Variants in CLEC4M observed in about 807,000 individuals in gnomAD.
The protein encoded by CLEC4M is C-type lectin domain family 4 member M.
Under a neutral mutation model 39.1 loss-of-function variants are expected in CLEC4M, and 25 were observed. The ratio of observed to expected loss-of-function variants is 0.64; its 90% CI spans 0.47 to 0.89. The LOEUF (loss-of-function observed/expected upper bound fraction) is 0.89. CLEC4M is among the 40% of genes least tolerant of loss of function. The pLI, the probability that CLEC4M is intolerant of heterozygous loss-of-function variation, is 0.00. For missense variants in CLEC4M, 353 were observed against 431.4 expected, an observed-to-expected ratio of 0.82 and a Z score of 1.61; for synonymous variants, 155 against 177.4, an observed-to-expected ratio of 0.87 and a Z score of 1.00.
chr19:7,763,327 G>T lies in CLEC4M; in HGVS notation c.46+15G>T. 1 of 1,611,728 alleles carries T rather than the reference G, an allele frequency of 6.2e-7. No individual in the cohort carries two copies. Reference sequence around the variant, plus strand: ...GGGCCTCCTGGGTAAGGCTGGGTTGGAACTCTGGGATCCTGGGTAAGGGGA... The same window carrying T: ...GGGCCTCCTGGGTAAGGCTGGGTTGTAACTCTGGGATCCTGGGTAAGGGGA... On this transcript the variant is annotated intron_variant, in intron 1 of 6. Transcript: ENST00000327325.
intron 6 of CLEC4M, chr19:7,768,163 GCGGC>G (rs2034361381): frequency 6.4e-6 from 1 of 157,466 alleles, no homozygotes; most frequent in African/African-American, 2.4e-5. Context: ...AGGCTGCCTA[GCGGC>G]CTGACACCTG....
chr19:7,766,267 T>C (rs375602835), intron 4 of CLEC4M, 60 bp downstream of exon 4: 178 of 1,603,322 alleles, frequency 1.1e-4, no homozygotes, highest in African/African-American at 4.4e-4. Context: ...GATGTGACTT[T>C]ACTTGAGTTA....
Position 7,765,649 on chromosome 19 carries a change from C to T in CLEC4M, c.226C>T (p.Pro76Ser). Residue 76 changes from proline to serine, a missense_variant, in exon 4 of 7, where the codon CCC becomes TCC. Pro to Ser is a moderately conservative substitution (Grantham distance 74). This residue lies in a region of CLEC4M where 48 missense variants were observed against 64.8 expected (regional missense o/e 0.74). Transcript: ENST00000327325. ...TCTTCTTGGCCCAGTGTCCAAGGTCCCCAGCTCCCTAAGTCAGGAACAATC... is the reference window on the plus strand; with the variant it reads ...TCTTCTTGGCCCAGTGTCCAAGGTCTCCAGCTCCCTAAGTCAGGAACAATC... Reference protein sequence around the residue: ...VAILVQVSKVPSSLSQEQSEQ... With the variant: ...VAILVQVSKVSSSLSQEQSEQ... 3 of 1,614,212 alleles carry T rather than the reference C, an allele frequency of 1.9e-6. No homozygotes were observed. In the South Asian group the frequency reaches 3.3e-5, roughly 18 times the overall value.
intron 2 of CLEC4M, among the ~76,000 whole-genome samples, chr19:7,763,935 G>C (rs1463752677): frequency 6.8e-6 from 1 of 148,026 alleles, no homozygotes; most frequent in East Asian, 2.0e-4. Context: ...GCCTGAATTC[G>C]TGGGTCCTGG....
At chr19:7,767,446 A>T in intron 5 of CLEC4M, 70 bp from the exon 6 acceptor site, 1 of 1,212,438 alleles carries the variant, frequency 8.2e-7, no homozygotes, top group Non-Finnish European at 1.2e-6. Flanking sequence ...ACTTTCTGCC[A>T]AGAGACGGGG....
In CLEC4M at chr19:7,769,126, G is replaced by C. The variant is rs1209345005; in HGVS notation, c.*138G>C. 1 of 819,088 alleles carries C rather than the reference G, an allele frequency of 1.2e-6. No homozygotes were observed. The highest frequency in any genetic ancestry group is 1.9e-6 in the Non-Finnish European group (1 of 529,726). The allele number at this position is 819,088 out of a possible 1,614,324, so 50.7% of individuals were successfully genotyped here. On this transcript the variant is annotated 3_prime_UTR_variant, in exon 7 of 7. Transcript: ENST00000327325. ...CTCTGTTCGATTTTTCATCCCCTAT[G>C]AACCTGGGTCTTATTCTGTCCTTCT... is the stretch of plus-strand genomic sequence containing the variant.
chr19:7,763,616 G>A (rs1280488691), intron 2 of CLEC4M, 140 bp downstream of exon 2: 6 of 665,600 alleles, frequency 9.0e-6, no homozygotes, highest in African/African-American at 3.6e-5. Flanking sequence ...TCCTGAAGAG[G>A]ACGGGGTAGG....
At position 7,765,234 on chromosome 19, in the gene CLEC4M, C is replaced by G. The variant is rs555004163; in HGVS notation, c.180C>G (p.Leu60=). ...TGCTGCAACTCCTCTCCTTCATGCT[C>G]TTGGCTGGGGTCCTGGTGGCCATCC... ...ALVLQLLSFM[L]LAGVLVAILV... Residue 60 remains leucine (L), a synonymous_variant, in exon 3 of 7, where the codon CTC becomes CTG. Transcript: ENST00000327325. 3.1e-6 allele frequency: 5 copies of G among 1,614,152 alleles called. No individual in the cohort carries two copies. Among genetic ancestry groups the G allele is most frequent in the Non-Finnish European group, 4.2e-6 (5 of 1,179,998 alleles).
At position 7,768,938 on chromosome 19, in the gene CLEC4M, G is replaced by T. The variant is rs749419249; in HGVS notation, c.1150G>T (p.Asp384Tyr). Reference protein sequence around the residue: ...SGWNDNRCDVDNYWICKKPAA... With the variant: ...SGWNDNRCDVYNYWICKKPAA... ...CTGGAACGACAATCGATGTGACGTT[G>T]ACAATTACTGGATCTGCAAAAAGCC... Residue 384 changes from aspartate to tyrosine, a missense_variant, in exon 7 of 7, where the codon GAC (aspartate) becomes TAC (tyrosine). Asp to Tyr is a radical substitution (Grantham distance 160). Around this residue, in one of 4 missense-constraint regions of CLEC4M, gnomAD observed 196 missense variants for 211.7 expected, o/e 0.93. Transcript: ENST00000327325. 6.2e-7 allele frequency: 1 copy of T among 1,614,122 alleles called. No individual in the cohort carries two copies. The highest frequency in any genetic ancestry group is 1.7e-5 in the Admixed American group (1 of 60,020).
intron 2 of CLEC4M, among the ~76,000 whole-genome samples, chr19:7,764,171 G>T (rs1395890280): frequency 1.3e-5 from 2 of 151,992 alleles, no homozygotes; most frequent in African/African-American, 2.4e-5. Flanking sequence ...AAAAGACTGA[G>T]CCCCAAACAA....
At position 7,767,657 on chromosome 19, in the gene CLEC4M, T is replaced by C. The variant is rs770649731; in HGVS notation, c.1049+29T>C. On this transcript the variant is annotated intron_variant, in intron 6 of 6. Coordinates refer to ENST00000327325, the MANE Select transcript of CLEC4M (RefSeq NM_014257.5). ...GATTCTGGGAGAAAGGGACACTGTATCCAGTCGGGCTGGGTTCCTGCAACT... is the reference window on the plus strand; with the variant it reads ...GATTCTGGGAGAAAGGGACACTGTACCCAGTCGGGCTGGGTTCCTGCAACT... 6.9e-6 allele frequency: 11 copies of C among 1,595,344 alleles called. No individual in the cohort carries two copies. The East Asian group carries it at 2.5e-4, about 36-fold the overall frequency.
At chr19:7,767,686 A>G (rs925926409) in intron 6 of CLEC4M, 58 bp downstream of exon 6, 3 of 1,477,512 alleles carry the variant, frequency 2.0e-6, no homozygotes, top group African/African-American at 2.8e-5. Flanking sequence ...TGCAACTCTG[A>G]CTTGAGCTTT....
chr19:7,768,936 T>C lies in CLEC4M; in HGVS notation c.1148T>C (p.Val383Ala), dbSNP rs150950604. 4 of 1,614,014 alleles carry C rather than the reference T, an allele frequency of 2.5e-6. No homozygotes were observed. The highest frequency in any genetic ancestry group is 2.7e-5 in the African/African-American group (2 of 74,908). The change falls in exon 7 of 7, where the codon GTT becomes GCT. Residue 383 changes from valine (V) to alanine (A), a missense_variant. Val to Ala is a moderately conservative substitution (Grantham distance 64, BLOSUM62 0). Coordinates refer to ENST00000327325, the MANE Select transcript of CLEC4M (RefSeq NM_014257.5). ...GSGWNDNRCD[V>A]DNYWICKKPA... is the part of the protein sequence containing the mutation. ...GGCTGGAACGACAATCGATGTGACG[T>C]TGACAATTACTGGATCTGCAAAAAG...
At position 7,765,330 on chromosome 19, in the gene CLEC4M, C is replaced by G. The variant is rs756317522; in HGVS notation, c.214+62C>G. ...CCTGGCCTTTTGGCTATGAACAGAG[C>G]CTGGAGTGGCCAGGTCTGGGAGGGA... On this transcript the variant is annotated intron_variant, in intron 3 of 6. Coordinates refer to ENST00000327325, the MANE Select transcript of CLEC4M (RefSeq NM_014257.5). The G allele has an allele frequency of 2.5e-6, 4 of 1,570,602 alleles. No individual in the cohort carries two copies. In the East Asian group the frequency reaches 6.7e-5, roughly 26 times the overall value.
chr19:7,765,045 C>G, intron 2 of CLEC4M, 140 bp from the exon 3 acceptor site: 1 of 821,388 alleles, frequency 1.2e-6, no homozygotes, highest in South Asian at 1.6e-5. Flanking sequence ...AGAGCTAGGG[C>G]CTGGATTCCC....
chr19:7,763,584 G>T (rs541376758), intron 2 of CLEC4M, 108 bp downstream of exon 2: 17 of 903,232 alleles, frequency 1.9e-5, no homozygotes, highest in African/African-American at 3.4e-5. Flanking sequence ...GGGAAGGAAG[G>T]TCTGAGACCT....
At chr19:7,763,999 G>A (rs1455164805) in intron 2 of CLEC4M, among the ~76,000 whole-genome samples, 1 of 151,982 alleles carries the variant, frequency 6.6e-6, no homozygotes, top group African/African-American at 2.4e-5. Flanking sequence ...GGGAGCTTGG[G>A]CCTGGGTTCC....
intron 3 of CLEC4M, 69 bp downstream of exon 3, chr19:7,765,337 T>C: frequency 1.9e-6 from 3 of 1,551,806 alleles, no homozygotes; most frequent in East Asian, 4.5e-5. Flanking sequence ...GAGCCTGGAG[T>C]GGCCAGGTCT....
At chr19:7,764,092 A>C (rs944866968) in intron 2 of CLEC4M, among the ~76,000 whole-genome samples, 1 of 151,986 alleles carries the variant, frequency 6.6e-6, no homozygotes, top group African/African-American at 2.4e-5. Flanking sequence ...CACAGAGATC[A>C]AGGGGTTGAG....
Sources: gnomAD v4.1 joint callset for allele counts (sites outside exome capture counted in the v4.1 genomes callset) on GRCh38, gnomAD v4.1.1 for gene constraint, gnomAD v4.1.1 regional missense constraint, MANE v1.5 for transcripts, NCBI Gene and HGNC (gene_info 2026-07-23, HGNC 2026-07-21) for gene names.